RPL26L1: variants seen among roughly 807,000 people sequenced by gnomAD.
RPL26L1 encodes the protein ribosomal protein uL24-like.
A neutral mutation model predicts 15.2 loss-of-function variants in RPL26L1; 8 were observed. That is an observed-to-expected ratio of 0.53 (90% CI 0.31 to 0.95). The LOEUF is 0.95. RPL26L1 is among the 40% of genes least tolerant of loss of function. RPL26L1 has a pLI of 0.05. For synonymous variants in RPL26L1, 51 were observed against 65.9 expected (o/e 0.77, Z 1.09); for missense variants, 146 against 190.9 (o/e 0.76, Z 1.39).
chr5:172,957,129 T>C (rs770228645), upstream of RPL26L1: 26 of 454,052 alleles, frequency 5.7e-5, 1 homozygote, highest in South Asian at 4.0e-4. Flanking sequence ...ATGCAGCCAC[T>C]GCCTCGAGAA....
upstream of RPL26L1, chr5:172,957,623 G>GTGAA (rs1436872054): frequency 4.1e-6 from 1 of 245,234 alleles, no homozygotes; most frequent in East Asian, 1.2e-4. Context: ...GAGTGAGTGA[G>GTGAA]TGAATGAATG....
chr5:172,954,914 G>A (rs1369033714), upstream of RPL26L1: 3 of 456,036 alleles, frequency 6.6e-6, no homozygotes, highest in Non-Finnish European at 1.3e-5. Context: ...ACCCTCCAGG[G>A]GTGCGTGACA....
chr5:172,962,333 T>TC (rs907377177), intron 2 of RPL26L1, among the ~76,000 whole-genome samples: 27 of 150,846 alleles, frequency 1.8e-4, no homozygotes, highest in African/African-American at 6.6e-4. Flanking sequence ...ATGGTGAAAC[T>TC]CCATCTCTAC....
At chr5:172,964,301 T>C (rs1303217254) in intron 2 of RPL26L1, among the ~76,000 whole-genome samples, 1 of 144,358 alleles carries the variant, frequency 6.9e-6, no homozygotes, top group Non-Finnish European at 1.5e-5. Flanking sequence ...TTTTTTTTTT[T>C]TGAGACAGAG....
At chr5:172,959,763 C>A (rs1755147253) in intron 1 of RPL26L1, 102 bp from the exon 2 acceptor site, 2 of 1,351,286 alleles carry the variant, frequency 1.5e-6, no homozygotes, top group Non-Finnish European at 2.1e-6. Flanking sequence ...GCTACCTCCC[C>A]TGTAGAGCCT....
chr5:172,958,905 C>T (rs1456368878), upstream of RPL26L1: 1 of 154,722 alleles, frequency 6.5e-6, no homozygotes, highest in Non-Finnish European at 1.4e-5. Context: ...CGCCGCCGGC[C>T]GCCGTTTAGT....
In RPL26L1 at chr5:172,960,035, G is replaced by T; in HGVS notation, c.162G>T (p.Glu54Asp). ...VRSMPIRKDDEVQVVRGHYKG... is the reference protein window; with the variant it reads ...VRSMPIRKDDDVQVVRGHYKG... Reference sequence around the variant, plus strand: ...CCATGCCCATCCGCAAGGACGACGAGGTCCAGGTACGTCTCCCTCCGGCGC... The same window carrying T: ...CCATGCCCATCCGCAAGGACGACGATGTCCAGGTACGTCTCCCTCCGGCGC... The change falls in exon 2 of 4, where the codon GAG (glutamate) becomes GAT (aspartate). Residue 54 changes from glutamate (E) to aspartate (D), a missense_variant. Coordinates refer to ENST00000265100, the MANE Select transcript of RPL26L1 (RefSeq NM_016093.4). 6.2e-7 allele frequency: 1 copy of T among 1,614,084 alleles called. No individual in the cohort carries two copies. The highest frequency in any genetic ancestry group is 1.7e-5 in the Admixed American group (1 of 60,010).
upstream of RPL26L1, chr5:172,957,539 G>A (rs991401820): frequency 7.1e-6 from 2 of 283,388 alleles, no homozygotes; most frequent in Non-Finnish European, 1.4e-5. Flanking sequence ...ATGAATGAAT[G>A]TATGAGTAAA....
At chr5:172,964,281 C>CTTTTTTTTTTTTTTTTTTTTTTTTTTT (rs1204432096) in intron 2 of RPL26L1, among the ~76,000 whole-genome samples, 1 of 99,234 alleles carries the variant, frequency 1.0e-5, no homozygotes, top group African/African-American at 3.6e-5. Flanking sequence ...GGCCTGTTGC[C>CTTTTTTTTTTTTTTTTTTTTTTTTTTT]TTTTTTTTTT....
At chr5:172,965,522 C>T (rs979326326) in intron 2 of RPL26L1, among the ~76,000 whole-genome samples, 94 of 152,142 alleles carry the variant, frequency 6.2e-4, no homozygotes, top group African/African-American at 2.2e-3. Flanking sequence ...TGTTAATGGC[C>T]TCCATCCCAG....
At chr5:172,964,056 G>A (rs1755349377) in intron 2 of RPL26L1, among the ~76,000 whole-genome samples, 1 of 152,132 alleles carries the variant, frequency 6.6e-6, no homozygotes, top group South Asian at 2.1e-4. Flanking sequence ...TAGGTAAGAT[G>A]TAGAAGGTGA....
Position 172,964,281 on chromosome 5 carries a change from C to CCT in RPL26L1, c.169-4178_169-4177insCT, listed in dbSNP as rs1402885653. Among the ~76,000 whole-genome samples the CCT allele has an allele frequency of 8.4e-3, 831 of 99,200 alleles. 74 individuals carry two copies. Among genetic ancestry groups the CCT allele is most frequent in the South Asian group, 0.018 (56 of 3,156 alleles). 65.1% of individuals were successfully genotyped at this position (99,200 alleles called of 152,430 possible). ...TGAGCCACAGTGTCTGGCCTGTTGC[C>CCT]TTTTTTTTTTTTTTTTTTTTTGAGA... On this transcript the variant is annotated intron_variant, in intron 2 of 3. Coordinates refer to ENST00000265100, the MANE Select transcript of RPL26L1 (RefSeq NM_016093.4).
At chr5:172,959,722 T>G (rs1172428428) in intron 1 of RPL26L1, 143 bp from the exon 2 acceptor site, 1 of 1,135,492 alleles carries the variant, frequency 8.8e-7, no homozygotes, top group East Asian at 2.4e-5. Flanking sequence ...TAGTCGCATC[T>G]CTCTGTCCTC....
At chr5:172,955,108 C>G (rs1295332384), upstream of RPL26L1, 1 of 398,158 alleles carries the variant, frequency 2.5e-6, no homozygotes, top group South Asian at 1.7e-5. Context: ...CACTAGAGTT[C>G]ATAAATAGTA....
intron 2 of RPL26L1, among the ~76,000 whole-genome samples, chr5:172,960,624 C>T (rs1755197939): frequency 6.6e-6 from 1 of 151,994 alleles, no homozygotes; most frequent in East Asian, 1.9e-4. Flanking sequence ...AAAGATGCAG[C>T]GAGTCACTCT....
chr5:172,961,962 T>C (rs1308581272), intron 2 of RPL26L1, among the ~76,000 whole-genome samples: 1 of 152,212 alleles, frequency 6.6e-6, no homozygotes, highest in African/African-American at 2.4e-5. Context: ...AATCCAACTC[T>C]ACTCCCATCT....
At chr5:172,964,981 C>T (rs61615549) in intron 2 of RPL26L1, among the ~76,000 whole-genome samples, 6,892 of 152,234 alleles carry the variant, frequency 0.045, 302 homozygotes, top group African/African-American at 0.12. Flanking sequence ...GCCAGGAGTT[C>T]GAGACCAGCC....
Position 172,959,917 on chromosome 5 carries a change from G to T in RPL26L1, c.44G>T (p.Arg15Leu), listed in dbSNP as rs746626216. ...GTTACCTCGGACCGCAGTAAAAACCGCAAACGTCACTTCAATGCCCCCTCA... is the reference window on the plus strand; with the variant it reads ...GTTACCTCGGACCGCAGTAAAAACCTCAAACGTCACTTCAATGCCCCCTCA... ...PFVTSDRSKN[R>L]KRHFNAPSHV... is the part of the protein sequence containing the mutation. Residue 15 changes from arginine to leucine, a missense_variant, in exon 2 of 4, where the codon CGC becomes CTC. Physicochemically the swap from Arg to Leu is moderately radical, Grantham distance 102. Coordinates refer to ENST00000265100, the MANE Select transcript of RPL26L1 (RefSeq NM_016093.4). 4 of 1,614,130 alleles carry T rather than the reference G, an allele frequency of 2.5e-6. No homozygotes were observed. The highest frequency in any genetic ancestry group is 2.5e-6 in the Non-Finnish European group (3 of 1,180,016).
rs745787642 is a variant in RPL26L1 at position 172,968,517 on chromosome 5, A to G, written c.227A>G (p.Lys76Arg). ...GGCAAGGTAGTCCAGGTGTACAGAAAGAAATATGTCATCTACATCGAGCGG... is the reference window on the plus strand; with the variant it reads ...GGCAAGGTAGTCCAGGTGTACAGAAGGAAATATGTCATCTACATCGAGCGG... The part of the protein sequence containing the change: ...QIGKVVQVYR[K>R]KYVIYIERVQ... Residue 76 changes from lysine to arginine, a missense_variant, in exon 3 of 4, where the codon AAG (lysine) becomes AGG (arginine). Physicochemically the swap from Lys to Arg is conservative, Grantham distance 26 (BLOSUM62 2). Transcript: ENST00000265100. 2.5e-6 allele frequency: 4 copies of G among 1,614,198 alleles called. No individual in the cohort carries two copies. Among genetic ancestry groups the G allele is most frequent in the Non-Finnish European group, 8.5e-7 (1 of 1,180,014 alleles).
Sources: allele counts gnomAD v4.1 joint callset (sites outside exome capture counted in the v4.1 genomes callset), GRCh38; gene constraint gnomAD v4.1.1; transcripts MANE v1.5; gene names NCBI Gene and HGNC (gene_info 2026-07-23, HGNC 2026-07-21).